TMTC1: variants seen among roughly 807,000 people sequenced by gnomAD.
The protein encoded by TMTC1 is protein O-mannosyl-transferase TMTC1.
TMTC1 carries 73 observed loss-of-function variants against 104.8 expected under a neutral mutation model. That is an observed-to-expected ratio of 0.70 (90% CI 0.58 to 0.85). The LOEUF (loss-of-function observed/expected upper bound fraction) is 0.85. Among genes scored for constraint, TMTC1 ranks in the 40% least tolerant of loss-of-function variants. TMTC1 has a pLI of 0.00. For missense variants in TMTC1, 1,035 were observed against 1,096.1 expected, an observed-to-expected ratio of 0.94 and a Z score of 0.79; for synonymous variants, 434 against 428.7, an observed-to-expected ratio of 1.01 and a Z score of -0.15.
At chr12:29,599,382 A>G (rs1408138360) in intron 7 of TMTC1, among the ~76,000 whole-genome samples, 1 of 152,228 alleles carries the variant, frequency 6.6e-6, no homozygotes, top group East Asian at 1.9e-4. Context: ...GTAAACTCTG[A>G]CCCTGAAGCA....
At chr12:29,762,479 G>A (rs1411363238) in intron 2 of TMTC1, among the ~76,000 whole-genome samples, 3 of 152,088 alleles carry the variant, frequency 2.0e-5, no homozygotes, top group Admixed American at 6.6e-5. Flanking sequence ...AGGTTTACAC[G>A]TACGGTATCT....
chr12:29,563,791 G>T (rs906742258), intron 9 of TMTC1, among the ~76,000 whole-genome samples: 2 of 152,202 alleles, frequency 1.3e-5, no homozygotes, highest in Non-Finnish European at 2.9e-5. Context: ...AGGGCACACA[G>T]CATTAAAGAG....
intron 5 of TMTC1, among the ~76,000 whole-genome samples, chr12:29,686,854 G>GT (rs1366817523): frequency 1.1e-4 from 17 of 151,876 alleles, no homozygotes; most frequent in Non-Finnish European, 1.6e-4. Flanking sequence ...ATTATTTGAA[G>GT]TTTTTTTTGT....
At chr12:29,640,891 T>G (rs1418385906) in intron 5 of TMTC1, 4 of 151,342 alleles carry the variant, frequency 2.6e-5, no homozygotes, top group Non-Finnish European at 2.9e-5. Context: ...GGTCTGGGGG[T>G]TGTTGAGGGG....
intron 1 of TMTC1, 127 bp from the exon 2 acceptor site, chr12:29,768,202 C>T: frequency 1.3e-6 from 1 of 747,550 alleles, no homozygotes; most frequent in Non-Finnish European, 2.1e-6. Context: ...AAATGATTCC[C>T]AACATTGGGT....
intron 7 of TMTC1, among the ~76,000 whole-genome samples, chr12:29,596,163 C>G (rs376924815): frequency 1.3e-5 from 2 of 152,076 alleles, no homozygotes; most frequent in African/African-American, 4.8e-5. Context: ...TGCGCCACCA[C>G]GCCTGGATAA....
intron 9 of TMTC1, among the ~76,000 whole-genome samples, chr12:29,563,766 C>T (rs920568217): frequency 5.3e-5 from 8 of 152,164 alleles, no homozygotes; most frequent in Non-Finnish European, 1.0e-4. Context: ...GTACAATGTG[C>T]CAGACCGTTT....
intron 2 of TMTC1, among the ~76,000 whole-genome samples, chr12:29,767,669 G>A (rs1943498308): frequency 1.3e-5 from 2 of 151,154 alleles, no homozygotes; most frequent in African/African-American, 4.9e-5. Context: ...AGGAAAAGTT[G>A]TCAACCAAAA....
At chr12:29,750,572 TA>T (rs1165763623) in intron 5 of TMTC1, among the ~76,000 whole-genome samples, 6 of 151,954 alleles carry the variant, frequency 3.9e-5, no homozygotes, top group African/African-American at 1.5e-4. Flanking sequence ...TGGGGCAAGA[TA>T]AAAAAACAAA....
At position 29,504,423 on chromosome 12, in the gene TMTC1, T is replaced by C. The variant is rs190948118; in HGVS notation, c.*2423A>G. 6.6e-6 allele frequency: 1 copy of C among 152,304 alleles called. No individual in the cohort carries two copies. Among genetic ancestry groups the C allele is most frequent in the East Asian group, 1.9e-4 (1 of 5,188 alleles). 9.4% of individuals were successfully genotyped at this position (152,304 alleles called of 1,614,324 possible). A position where few individuals can be genotyped will look rare whatever the true frequency, so the allele number is the denominator to read the frequency against. On this transcript the variant is annotated 3_prime_UTR_variant, in exon 18 of 18. Transcript: ENST00000539277. The stretch of plus-strand genomic sequence containing the variant: ...GATCTATTTTCTTATAGGCACTGTT[T>C]TTACTGTGAAACTATTGCATTGGCC...
intron 5 of TMTC1, among the ~76,000 whole-genome samples, chr12:29,718,339 T>G (rs959710610): frequency 2.6e-5 from 4 of 152,188 alleles, no homozygotes; most frequent in African/African-American, 9.7e-5. Flanking sequence ...ACTCCTATTT[T>G]TATTAGTTTG....
chr12:29,617,472 T>A (rs1947014033), intron 6 of TMTC1, among the ~76,000 whole-genome samples: 1 of 152,040 alleles, frequency 6.6e-6, no homozygotes. Flanking sequence ...CACTCCCATC[T>A]CTTTTGTATT....
chr12:29,777,593 T>C (rs1943741228), intron 1 of TMTC1, among the ~76,000 whole-genome samples: 3 of 137,966 alleles, frequency 2.2e-5, no homozygotes, highest in South Asian at 5.3e-4. Flanking sequence ...TTTCTGTCCC[T>C]CCTACACTAC....
At chr12:29,620,415 G>C (rs1565715169) in intron 6 of TMTC1, among the ~76,000 whole-genome samples, 1 of 152,176 alleles carries the variant, frequency 6.6e-6, no homozygotes, top group Non-Finnish European at 1.5e-5. Context: ...CAACACAGAG[G>C]GGACTGGCTT....
At chr12:29,681,131 A>C (rs951837880) in intron 5 of TMTC1, among the ~76,000 whole-genome samples, 30 of 151,682 alleles carry the variant, frequency 2.0e-4, no homozygotes, top group South Asian at 2.1e-4. Flanking sequence ...AACAAGATGA[A>C]CATGAAATAT....
intron 5 of TMTC1, among the ~76,000 whole-genome samples, chr12:29,644,049 TATAAATATAAATATATAATTTATAG>T (rs1475180534): frequency 0.47 from 42,191 of 89,656 alleles, 14,247 homozygotes; most frequent in South Asian, 0.64. Flanking sequence ...ATAATTTATA[TATAAATATAAATATATAATTTATAG>T]ATAAATATAA....
At chr12:29,587,994 G>C (rs1358425277) in intron 7 of TMTC1, among the ~76,000 whole-genome samples, 3 of 152,106 alleles carry the variant, frequency 2.0e-5, no homozygotes, top group Non-Finnish European at 2.9e-5. Context: ...GGCATTTGAG[G>C]TTTCTGACTT....
At chr12:29,737,271 C>T (rs991061860) in intron 5 of TMTC1, among the ~76,000 whole-genome samples, 1 of 152,184 alleles carries the variant, frequency 6.6e-6, no homozygotes, top group Non-Finnish European at 1.5e-5. Context: ...GTAATCCCAG[C>T]ACTTTGGGAA....
chr12:29,623,889 A>G (rs1937825411), intron 6 of TMTC1, among the ~76,000 whole-genome samples: 1 of 152,186 alleles, frequency 6.6e-6, no homozygotes, highest in South Asian at 2.1e-4. Context: ...ACAAATCTCT[A>G]GTGACTCTAA....
Sources: gnomAD v4.1 joint callset for allele counts (sites outside exome capture counted in the v4.1 genomes callset) on GRCh38, gnomAD v4.1.1 for gene constraint, MANE v1.5 for transcripts, NCBI Gene and HGNC (gene_info 2026-07-23, HGNC 2026-07-21) for gene names.